The following SHISA9 variants were observed in gnomAD, a reference collection of about 807,000 sequenced individuals.
SHISA9 encodes protein shisa-9.
In SHISA9, 13 loss-of-function variants were observed where a neutral mutation model predicts 38.0. That is an observed-to-expected ratio of 0.34 (90% CI 0.22 to 0.54). The LOEUF is 0.54. Among genes scored for constraint, SHISA9 ranks in the 20% least tolerant of loss-of-function variants. SHISA9 has a pLI of 0.91. For synonymous variants in SHISA9, 275 were observed against 242.0 expected (o/e 1.14, Z -1.27); for missense variants, 538 against 575.8 (o/e 0.93, Z 0.67).
the SHISA9 span, among the ~76,000 whole-genome samples, chr16:13,432,511 T>C: frequency 6.6e-6 from 1 of 152,164 alleles, no homozygotes; most frequent in East Asian, 1.9e-4. Context: ...TCTAGAGTCA[T>C]AGAAAAAATA....
intron 2 of SHISA9, among the ~76,000 whole-genome samples, chr16:13,013,820 C>T (rs1435102465): frequency 2.0e-5 from 3 of 152,142 alleles, no homozygotes; most frequent in Non-Finnish European, 4.4e-5. Flanking sequence ...CTCCGCGTCC[C>T]GGGTTCACGC....
intron 2 of SHISA9, among the ~76,000 whole-genome samples, chr16:12,939,187 G>A (rs985249432): frequency 2.6e-5 from 4 of 151,968 alleles, no homozygotes; most frequent in African/African-American, 4.8e-5. Context: ...AAGTTCAAGC[G>A]ATTCTCCTGC....
rs113180653 is a variant in SHISA9, at chr16:13,173,150, T to TGCGCGCGC, written c.692-30240_692-30239insGCGCGCGC. Among the ~76,000 whole-genome samples, 8 of 141,906 alleles carry TGCGCGCGC rather than the reference T, an allele frequency of 5.6e-5. No homozygotes were observed. In the East Asian group the frequency reaches 8.0e-4, roughly 14 times the overall value. 93.1% of individuals were successfully genotyped at this position (141,906 alleles called of 152,430 possible). A position where few individuals can be genotyped will look rare whatever the true frequency, so the allele number is the denominator to read the frequency against. On this transcript the variant is annotated intron_variant, in intron 2 of 4. Coordinates refer to ENST00000558583, the MANE Select transcript of SHISA9 (RefSeq NM_001145204.3). ...GTTTATCAGTCAGAAGAGATGCACGTGCGCACACACACACACACACACACA... is the reference window on the plus strand; with the variant it reads ...GTTTATCAGTCAGAAGAGATGCACGTGCGCGCGCGCGCACACACACACACACACACACA...
Position 12,902,198 on chromosome 16 carries a change from A to G in SHISA9, c.134A>G (p.Asn45Ser), listed in dbSNP as rs2141700023. 6.5e-7 allele frequency: 1 copy of G among 1,530,350 alleles called. No homozygotes were observed. Among genetic ancestry groups the G allele is most frequent in the Non-Finnish European group, 8.7e-7 (1 of 1,143,664 alleles). The allele number at this position is 1,530,350 out of a possible 1,614,324, so 94.8% of individuals were successfully genotyped here. A position where few individuals can be genotyped will look rare whatever the true frequency, so the allele number is the denominator to read the frequency against. ...GGCGTGTTGCTGCTGGCGGGGGGCA[A>G]CCGCTCCGGGGCCGCCTCCGGAGAG... ...LGGVLLLAGG[N>S]RSGAASGEAS... Residue 45 changes from asparagine (N) to serine (S), a missense_variant, in exon 1 of 5, where the codon AAC becomes AGC. Physicochemically the swap from Asn to Ser is conservative, Grantham distance 46 (BLOSUM62 1). This residue lies in a region of SHISA9 where 107 missense variants were observed against 103.0 expected (regional missense o/e 1.04). Coordinates refer to ENST00000558583, the MANE Select transcript of SHISA9 (RefSeq NM_001145204.3).
intron 2 of SHISA9, among the ~76,000 whole-genome samples, chr16:13,065,989 G>A (rs1277989339): frequency 6.6e-6 from 1 of 152,174 alleles, no homozygotes; most frequent in Non-Finnish European, 1.5e-5. Context: ...GAAAGGCTAG[G>A]GTTCAAACCC....
chr16:13,029,152 G>T (rs1468812172), intron 2 of SHISA9, among the ~76,000 whole-genome samples: 1 of 152,172 alleles, frequency 6.6e-6, no homozygotes, highest in Non-Finnish European at 1.5e-5. Flanking sequence ...ATACCCCAAA[G>T]AAAGGAAATC....
chr16:13,157,675 A>G (rs1339569126), intron 2 of SHISA9, among the ~76,000 whole-genome samples: 1 of 152,042 alleles, frequency 6.6e-6, no homozygotes, highest in East Asian at 1.9e-4. Context: ...TTGCACATAA[A>G]AAGGGTCAGG....
chr16:13,558,721 C>G, the SHISA9 span, among the ~76,000 whole-genome samples: 1 of 152,126 alleles, frequency 6.6e-6, no homozygotes, highest in Non-Finnish European at 1.5e-5. Context: ...TTTTAAACAG[C>G]AAAGTCACCA....
At chr16:13,392,551 C>T in the SHISA9 span, among the ~76,000 whole-genome samples, 7 of 152,078 alleles carry the variant, frequency 4.6e-5, no homozygotes, top group African/African-American at 7.2e-5. Context: ...CAGCAGGTGG[C>T]GGCATTACAG....
chr16:13,256,760 T>G, the SHISA9 span, among the ~76,000 whole-genome samples: 1 of 152,210 alleles, frequency 6.6e-6, no homozygotes, highest in Admixed American at 6.5e-5. Context: ...GAATATTTCT[T>G]TTACTACACG....
chr16:13,373,975 A>G, the SHISA9 span, among the ~76,000 whole-genome samples: 1 of 152,148 alleles, frequency 6.6e-6, no homozygotes, highest in Non-Finnish European at 1.5e-5. Flanking sequence ...AAGGAGTTGA[A>G]GGAAAAATGT....
chr16:13,016,458 G>A (rs1418937210), intron 2 of SHISA9, among the ~76,000 whole-genome samples: 2 of 152,138 alleles, frequency 1.3e-5, no homozygotes, highest in Non-Finnish European at 2.9e-5. Context: ...ACAAACATAC[G>A]TCCAAGTGGT....
the SHISA9 span, among the ~76,000 whole-genome samples, chr16:13,302,387 C>A: frequency 6.6e-6 from 1 of 152,294 alleles, no homozygotes; most frequent in Non-Finnish European, 1.5e-5. Flanking sequence ...AGGAGATAAG[C>A]TTTACTAACT....
the SHISA9 span, among the ~76,000 whole-genome samples, chr16:13,435,378 A>C: frequency 6.6e-6 from 1 of 152,264 alleles, no homozygotes; most frequent in Non-Finnish European, 1.5e-5. Flanking sequence ...AACAAAGTTA[A>C]ATAAAACATC....
chr16:12,945,820 G>C (rs948050597), intron 2 of SHISA9, among the ~76,000 whole-genome samples: 2 of 152,232 alleles, frequency 1.3e-5, no homozygotes, highest in Non-Finnish European at 2.9e-5. Context: ...ATATGGCCAG[G>C]TGTGGTGGCT....
chr16:13,265,921 T>G, the SHISA9 span, among the ~76,000 whole-genome samples: 81 of 152,306 alleles, frequency 5.3e-4, no homozygotes, highest in African/African-American at 1.9e-3. Flanking sequence ...ATCAATTTCC[T>G]AAACTCAAAT....
chr16:13,104,139 G>T (rs767413018), intron 2 of SHISA9, among the ~76,000 whole-genome samples: 36 of 152,134 alleles, frequency 2.4e-4, no homozygotes, highest in Middle Eastern at 6.8e-3. Context: ...GCCCTCATAC[G>T]GTTGTCTAAG....
At chr16:13,157,683 A>G (rs1166419200) in intron 2 of SHISA9, among the ~76,000 whole-genome samples, 1 of 152,074 alleles carries the variant, frequency 6.6e-6, no homozygotes, top group African/African-American at 2.4e-5. Flanking sequence ...AAAAAGGGTC[A>G]GGGCAGTTCA....
the SHISA9 span, among the ~76,000 whole-genome samples, chr16:13,506,395 A>G: frequency 6.6e-6 from 1 of 152,176 alleles, no homozygotes; most frequent in Non-Finnish European, 1.5e-5. Context: ...GATGATACAG[A>G]GGTAATGATA....
Sources: gnomAD v4.1 joint callset for allele counts (sites outside exome capture counted in the v4.1 genomes callset) on GRCh38, gnomAD v4.1.1 for gene constraint, gnomAD v4.1.1 regional missense constraint, MANE v1.5 for transcripts, NCBI Gene and HGNC (gene_info 2026-07-23, HGNC 2026-07-21) for gene names.